The following MYH13 variants were observed in gnomAD, a reference collection of about 807,000 sequenced individuals.
MYH13 encodes the protein myosin heavy chain 13.
Under a neutral mutation model 232.1 loss-of-function variants are expected in MYH13, and 177 were observed. The observed-to-expected ratio is 0.76, with a 90% CI of 0.67 to 0.86. The LOEUF is 0.86. Ranked by LOEUF, MYH13 falls within the 40% of genes least tolerant of loss-of-function variation. The pLI, the probability that MYH13 is intolerant of heterozygous loss-of-function variation, is 0.00. For missense variants in MYH13, 2,246 were observed against 2,405.9 expected (o/e 0.93, Z 1.39); for synonymous variants, 884 against 923.5 (o/e 0.96, Z 0.78).
intron 12 of MYH13, 27 bp from the exon 13 acceptor site, chr17:10,346,825 A>G (rs1290944310): frequency 1.3e-6 from 2 of 1,560,318 alleles, no homozygotes; most frequent in Non-Finnish European, 1.8e-6. Context: ...AAATGGCATC[A>G]TGCAAAAACA....
chr17:10,323,764 C>CAAA (rs756659634), intron 23 of MYH13, among the ~76,000 whole-genome samples: 15 of 90,248 alleles, frequency 1.7e-4, no homozygotes, highest in Non-Finnish European at 2.5e-4. Flanking sequence ...CTCCATCTCA[C>CAAA]AAAAAAAAAA....
At chr17:10,336,336 C>G (rs948144372) in intron 18 of MYH13, among the ~76,000 whole-genome samples, 3 of 152,196 alleles carry the variant, frequency 2.0e-5, no homozygotes, top group African/African-American at 7.2e-5. Context: ...TCCTTCTGCT[C>G]CAGCCGCTGA....
Position 10,303,485 on chromosome 17 carries a change from TC to T in MYH13, c.5479del (p.Glu1827LysfsTer15). ...QKLENRVREL[E>X]NELDVEQKRG... ...CTTCTGTTCCACATCAAGCTCATTT[TC>T]CAGCTCCCGCACCTGAGTAGGATGA... On this transcript the variant is annotated frameshift_variant, in exon 38 of 41. Transcript: ENST00000252172. LOFTEE classifies it high-confidence loss of function. 1 of 1,613,970 alleles carries T rather than the reference TC, an allele frequency of 6.2e-7. No individual in the cohort carries two copies. Among genetic ancestry groups the T allele is most frequent in the Non-Finnish European group, 8.5e-7 (1 of 1,179,862 alleles).
chr17:10,346,600 C>T (rs916346796), intron 13 of MYH13, 80 bp downstream of exon 13: 4 of 1,101,086 alleles, frequency 3.6e-6, no homozygotes, highest in African/African-American at 3.1e-5. Flanking sequence ...ATTTCTGATA[C>T]CTGCAACTGA....
Position 10,309,413 on chromosome 17 carries a change from C to T in MYH13, c.4990G>A (p.Ala1664Thr), listed in dbSNP as rs1043846802. Residue 1664 changes from alanine (A) to threonine (T), a missense_variant, in exon 35 of 41, where the codon GCC becomes ACC. Transcript: ENST00000252172. The part of the protein sequence containing the change: ...LKDSQLHLDD[A>T]LRSNEDLKEQ... ...TTGAGGTCCTCATTGCTCCTCAGGG[C>T]GTCATCGAGATGCAGCTGGGAGTCC... 2 of 1,606,650 alleles carry T rather than the reference C, an allele frequency of 1.2e-6. No individual in the cohort carries two copies. The highest frequency in any genetic ancestry group is 1.7e-5 in the Admixed American group (1 of 59,080).
intron 26 of MYH13, 52 bp downstream of exon 26, chr17:10,320,101 G>A (rs902962025): frequency 1.5e-6 from 2 of 1,373,524 alleles, no homozygotes; most frequent in Non-Finnish European, 2.0e-6. Flanking sequence ...GAGTGAGGAG[G>A]GGCGCTCTTG....
At chr17:10,342,906 T>A (rs1310293518) in intron 16 of MYH13, among the ~76,000 whole-genome samples, 2 of 151,960 alleles carry the variant, frequency 1.3e-5, no homozygotes, top group African/African-American at 4.8e-5. Flanking sequence ...CTGGCCACCA[T>A]GATGGAACCC....
At chr17:10,322,336 T>C (rs1365169157) in intron 23 of MYH13, among the ~76,000 whole-genome samples, 1 of 152,110 alleles carries the variant, frequency 6.6e-6, no homozygotes, top group Non-Finnish European at 1.5e-5. Context: ...AGGCAGAGGT[T>C]GCAGTGAGCT....
At chr17:10,339,991 G>A (rs867113282) in intron 18 of MYH13, among the ~76,000 whole-genome samples, 159 bp downstream of exon 18, 4 of 152,048 alleles carry the variant, frequency 2.6e-5, no homozygotes, top group Admixed American at 2.0e-4. Context: ...GGGTACATCC[G>A]GTATTTTTAT....
intron 12 of MYH13, among the ~76,000 whole-genome samples, chr17:10,349,516 C>T (rs2071693721): frequency 6.6e-6 from 1 of 152,008 alleles, no homozygotes; most frequent in Non-Finnish European, 1.5e-5. Flanking sequence ...CTGATTGCCC[C>T]AGTCAGAAGT....
At chr17:10,366,313 G>T (rs1261429361) in intron 2 of MYH13, among the ~76,000 whole-genome samples, 1 of 150,552 alleles carries the variant, frequency 6.6e-6, no homozygotes, top group Non-Finnish European at 1.5e-5. Flanking sequence ...ATAAAATGGA[G>T]TCAAGTCATA....
intron 33 of MYH13, 139 bp downstream of exon 33, chr17:10,310,964 G>T: frequency 9.6e-7 from 1 of 1,046,878 alleles, no homozygotes; most frequent in Non-Finnish European, 1.4e-6. Context: ...GGATGTTTCA[G>T]CCCCTGGGAT....
intron 39 of MYH13, among the ~76,000 whole-genome samples, chr17:10,302,390 G>T (rs1365916785): frequency 1.3e-5 from 2 of 152,106 alleles, no homozygotes; most frequent in Non-Finnish European, 2.9e-5. Flanking sequence ...ACAATAAGAA[G>T]GTTCTAAAGT....
Position 10,321,713 on chromosome 17 carries a change from G to T in MYH13, c.2935-5C>A. The T allele has an allele frequency of 6.2e-7, 1 of 1,609,986 alleles. No individual in the cohort carries two copies. The highest frequency in any genetic ancestry group is 8.5e-7 in the Non-Finnish European group (1 of 1,177,742). ...TTCTTCGGAAAGATTCTTTACCTGG[G>T]ACAATATTAACACCGATTTAATATG... On this transcript the variant is annotated splice_polypyrimidine_tract_variant and splice_region_variant and intron_variant, in intron 23 of 40. Coordinates refer to ENST00000252172, the MANE Select transcript of MYH13 (RefSeq NM_003802.3).
At position 10,306,583 on chromosome 17, in the gene MYH13, G is replaced by A; in HGVS notation, c.5342C>T (p.Ala1781Val). The A allele has an allele frequency of 6.2e-7, 1 of 1,614,076 alleles. No homozygotes were observed. Among genetic ancestry groups the A allele is most frequent in the Non-Finnish European group, 8.5e-7 (1 of 1,180,026 alleles). Residue 1781 changes from alanine to valine, a missense_variant, in exon 37 of 41, where the codon GCC (alanine) becomes GTC (valine). By Grantham distance (64) the Ala-to-Val change is moderately conservative (BLOSUM62 0). Coordinates refer to ENST00000252172, the MANE Select transcript of MYH13 (RefSeq NM_003802.3). The surrounding 1 kb of genome is among the most constrained non-coding windows in gnomAD (Gnocchi z 4.3). ...EELKKEQDTS[A>V]HLERMKKNLE... The stretch of plus-strand genomic sequence containing the variant: ...GTTCTTCTTCATCCGCTCCAGGTGG[G>A]CGCTGGTGTCCTGTTCCTTCTTTAG...
intron 2 of MYH13, among the ~76,000 whole-genome samples, chr17:10,370,539 C>T (rs919658389): frequency 6.6e-6 from 1 of 152,228 alleles, no homozygotes; most frequent in South Asian, 2.1e-4. Flanking sequence ...TGACTACCCC[C>T]GCCTGCCTAA....
In MYH13 at chr17:10,326,981, G is replaced by GTTTTTTTTTTTTTTTTTTTT. The variant is rs61543278; in HGVS notation, c.2691+865_2691+884dup. Among the ~76,000 whole-genome samples, 29 of 55,832 alleles carry GTTTTTTTTTTTTTTTTTTTT rather than the reference G, an allele frequency of 5.2e-4. 14 individuals carry two copies. The highest frequency in any genetic ancestry group is 3.7e-3 in the East Asian group (6 of 1,608). 36.6% of individuals were successfully genotyped at this position (55,832 alleles called of 152,430 possible). On this transcript the variant is annotated intron_variant, in intron 22 of 40. Transcript: ENST00000252172. Reference sequence around the variant, plus strand: ...GAGACATGCACCACCATGCCTACTAGTTTTTTTTTTTTTTTTTTTTTTTTT... The same window carrying GTTTTTTTTTTTTTTTTTTTT: ...GAGACATGCACCACCATGCCTACTAGTTTTTTTTTTTTTTTTTTTTTTTTTTTTTTTTTTTTTTTTTTTTT...
At chr17:10,353,592 C>T (rs2071726238) in intron 11 of MYH13, among the ~76,000 whole-genome samples, 1 of 152,130 alleles carries the variant, frequency 6.6e-6, no homozygotes, top group African/African-American at 2.4e-5. Context: ...GGGCCTGGTG[C>T]AGTGGCTCAT....
At chr17:10,368,344 C>T (rs917573300) in intron 2 of MYH13, among the ~76,000 whole-genome samples, 1 of 152,180 alleles carries the variant, frequency 6.6e-6, no homozygotes, top group African/African-American at 2.4e-5. Flanking sequence ...TTTTGGAGAA[C>T]ATGTTTGCCA....
Sources: gnomAD v4.1 joint callset for allele counts (sites outside exome capture counted in the v4.1 genomes callset) on GRCh38, gnomAD v4.1.1 for gene constraint, Gnocchi (gnomAD v3.1) non-coding constraint, MANE v1.5 for transcripts, NCBI Gene and HGNC (gene_info 2026-07-23, HGNC 2026-07-21) for gene names.